Variants in LINGO2 observed in about 807,000 individuals in gnomAD.
LINGO2 encodes leucine rich repeat and Ig domain containing 2, also known as leucine-rich repeat and immunoglobulin-like domain-containing nogo receptor-interacting protein 2.
In LINGO2, 14 loss-of-function variants were observed where a neutral mutation model predicts 30.6. That is an observed-to-expected ratio of 0.46 (90% CI 0.30 to 0.72). The LOEUF (loss-of-function observed/expected upper bound fraction) is 0.72, where lower values mean the gene tolerates loss of function less well. LINGO2 is among the 30% of genes least tolerant of loss of function. The probability of loss-of-function intolerance (pLI) is 0.07; values close to 1 mark genes in which losing one functional copy is unlikely to be tolerated. For synonymous variants in LINGO2, 317 were observed against 288.5 expected, an observed-to-expected ratio of 1.10 and a Z score of -1.00; for missense variants, 729 against 751.7, an observed-to-expected ratio of 0.97 and a Z score of 0.35.
the LINGO2 span, among the ~76,000 whole-genome samples, chr9:29,043,468 T>G: frequency 6.6e-6 from 1 of 152,106 alleles, no homozygotes; most frequent in Admixed American, 6.6e-5. Context: ...CTCTATAAAT[T>G]AGAACTTCTG....
At chr9:28,192,643 G>A (rs964100870) in intron 4 of LINGO2, among the ~76,000 whole-genome samples, 7 of 151,986 alleles carry the variant, frequency 4.6e-5, no homozygotes, top group African/African-American at 1.4e-4. Flanking sequence ...CTGTTTCTAT[G>A]TACTTTTAAA....
At chr9:29,209,436 C>T in the LINGO2 span, among the ~76,000 whole-genome samples, 84 of 151,592 alleles carry the variant, frequency 5.5e-4, no homozygotes, top group Non-Finnish European at 9.9e-4. Context: ...TATGGACTGA[C>T]CATTATAAAG....
intron 1 of LINGO2, among the ~76,000 whole-genome samples, chr9:28,503,854 CG>C (rs1034159606): frequency 6.7e-6 from 1 of 150,096 alleles, no homozygotes; most frequent in Non-Finnish European, 1.5e-5. Flanking sequence ...AAAAAAGATA[CG>C]GGGGGAAAAA....
chr9:28,982,574 A>T, the LINGO2 span, among the ~76,000 whole-genome samples: 1 of 152,102 alleles, frequency 6.6e-6, no homozygotes, highest in South Asian at 2.1e-4. Flanking sequence ...TATTTATTTC[A>T]GTGATAGAAT....
intron 2 of LINGO2, among the ~76,000 whole-genome samples, chr9:28,428,638 G>C (rs1000070217): frequency 6.6e-6 from 1 of 152,080 alleles, no homozygotes; most frequent in African/African-American, 2.4e-5. Flanking sequence ...CAGAGCAGTT[G>C]CTGCTATTAT....
chr9:29,003,328 C>T, the LINGO2 span, among the ~76,000 whole-genome samples: 1 of 151,986 alleles, frequency 6.6e-6, no homozygotes, highest in African/African-American at 2.4e-5. Context: ...TTTGTATGCT[C>T]TTTCACTGAT....
chr9:28,163,616 G>A (rs1200771597), intron 4 of LINGO2, among the ~76,000 whole-genome samples: 1 of 152,092 alleles, frequency 6.6e-6, no homozygotes, highest in Non-Finnish European at 1.5e-5. Flanking sequence ...GACTTTTTTA[G>A]TTGCTCTTAA....
chr9:28,590,062 C>G (rs1353328468), intron 1 of LINGO2, among the ~76,000 whole-genome samples: 6 of 152,074 alleles, frequency 3.9e-5, no homozygotes, highest in African/African-American at 7.2e-5. Flanking sequence ...GGAAAGGAAT[C>G]CCTATTTAAT....
the LINGO2 span, among the ~76,000 whole-genome samples, chr9:28,885,605 T>C: frequency 1.3e-5 from 2 of 151,940 alleles, no homozygotes; most frequent in African/African-American, 2.4e-5. Flanking sequence ...TATTAAAGTC[T>C]ATCTATAAAA....
the LINGO2 span, among the ~76,000 whole-genome samples, chr9:28,978,862 T>C: frequency 6.6e-6 from 1 of 152,068 alleles, no homozygotes; most frequent in African/African-American, 2.4e-5. Flanking sequence ...AAATTATGTA[T>C]ATTCTCTCAG....
chr9:28,884,871 C>CAT, the LINGO2 span, among the ~76,000 whole-genome samples: 2 of 134,696 alleles, frequency 1.5e-5, no homozygotes, highest in Non-Finnish European at 3.1e-5. Flanking sequence ...TATATACACA[C>CAT]ATATACACTA....
intron 4 of LINGO2, among the ~76,000 whole-genome samples, chr9:28,030,691 C>A (rs1257856554): frequency 6.6e-6 from 1 of 152,184 alleles, no homozygotes; most frequent in Non-Finnish European, 1.5e-5. Flanking sequence ...TACTCATATT[C>A]TCAGAAGCTA....
At chr9:28,287,773 TGA>T (rs540327519) in intron 4 of LINGO2, among the ~76,000 whole-genome samples, 211 of 152,254 alleles carry the variant, frequency 1.4e-3, no homozygotes, top group African/African-American at 4.9e-3. Flanking sequence ...AAGCATACAC[TGA>T]GAGAGAGTTT....
At chr9:28,849,862 C>T in the LINGO2 span, among the ~76,000 whole-genome samples, 1 of 152,018 alleles carries the variant, frequency 6.6e-6, no homozygotes, top group Non-Finnish European at 1.5e-5. Flanking sequence ...GAGCGCTCTG[C>T]TCCCTTGTTT....
chr9:28,481,065 GTAA>G (rs909081146), intron 1 of LINGO2, among the ~76,000 whole-genome samples: 4 of 124,632 alleles, frequency 3.2e-5, no homozygotes, highest in African/African-American at 1.1e-4. Context: ...GCTCCCCTGT[GTAA>G]TACAAGGTTG....
the LINGO2 span, among the ~76,000 whole-genome samples, chr9:28,897,020 T>A: frequency 6.6e-6 from 1 of 152,042 alleles, no homozygotes; most frequent in Non-Finnish European, 1.5e-5. Context: ...AAGGTATTAG[T>A]GGGTGGTGAA....
At chr9:28,916,309 G>A in the LINGO2 span, among the ~76,000 whole-genome samples, 1 of 152,120 alleles carries the variant, frequency 6.6e-6, no homozygotes, top group African/African-American at 2.4e-5. Flanking sequence ...TCTACATTCT[G>A]TAGAGAATTC....
intron 5 of LINGO2, among the ~76,000 whole-genome samples, chr9:27,975,773 G>T (rs766772714): frequency 6.8e-4 from 103 of 152,230 alleles, no homozygotes; most frequent in Middle Eastern, 3.4e-3. Flanking sequence ...GGCTGCAAGT[G>T]CATTGAAAAT....
chr9:28,283,857 G>A (rs1823412550), intron 4 of LINGO2, among the ~76,000 whole-genome samples: 1 of 151,916 alleles, frequency 6.6e-6, no homozygotes, highest in African/African-American at 2.4e-5. Flanking sequence ...ATATATTCAG[G>A]TACTGGTTAC....
Sources: allele counts gnomAD v4.1 joint callset (sites outside exome capture counted in the v4.1 genomes callset), GRCh38; gene constraint gnomAD v4.1.1; transcripts MANE v1.5; gene names NCBI Gene and HGNC (gene_info 2026-07-23, HGNC 2026-07-21).